RTTN: variants seen among roughly 807,000 people sequenced by gnomAD.
RTTN encodes the protein rotatin.
RTTN carries 182 observed loss-of-function variants against 269.2 expected under a neutral mutation model. That is an observed-to-expected ratio of 0.68 (90% CI 0.60 to 0.76). RTTN has a LOEUF of 0.76. RTTN is among the 30% of genes least tolerant of loss of function. The probability of loss-of-function intolerance (pLI) is 0.00; values close to 1 mark genes in which losing one functional copy is unlikely to be tolerated. For missense variants in RTTN, 2,545 were observed against 2,608.6 expected (o/e 0.98, Z 0.53); for synonymous variants, 1,006 against 963.5 (o/e 1.04, Z -0.82).
chr18:70,189,145 C>T (rs1052225709), intron 9 of RTTN, among the ~76,000 whole-genome samples: 1 of 152,150 alleles, frequency 6.6e-6, no homozygotes, highest in African/African-American at 2.4e-5. Flanking sequence ...TAAGACTGTT[C>T]TTCTCAGCTT....
chr18:70,123,912 A>G (rs895056389), intron 25 of RTTN, among the ~76,000 whole-genome samples: 1 of 152,070 alleles, frequency 6.6e-6, no homozygotes, highest in African/African-American at 2.4e-5. Flanking sequence ...GTAGGAAAAG[A>G]AAGGCAGTAG....
intron 46 of RTTN, among the ~76,000 whole-genome samples, chr18:70,015,491 G>A (rs994069545): frequency 3.9e-5 from 6 of 152,160 alleles, no homozygotes; most frequent in African/African-American, 1.4e-4. Flanking sequence ...GGCTGACTCT[G>A]CTAAGGCCTC....
At chr18:70,042,697 T>C (rs2057382258) in intron 40 of RTTN, among the ~76,000 whole-genome samples, 1 of 152,180 alleles carries the variant, frequency 6.6e-6, no homozygotes, top group Admixed American at 6.5e-5. Flanking sequence ...TTCTCTATAG[T>C]AACATTTGGA....
chr18:70,030,156 G>A, intron 41 of RTTN, 47 bp from the exon 42 acceptor site: 1 of 1,319,396 alleles, frequency 7.6e-7, no homozygotes, highest in Non-Finnish European at 1.1e-6. Context: ...CTATTTCCAA[G>A]TAAGTTATAA....
At chr18:70,046,659 T>G (rs1326168961) in intron 40 of RTTN, among the ~76,000 whole-genome samples, 1 of 152,146 alleles carries the variant, frequency 6.6e-6, no homozygotes, top group African/African-American at 2.4e-5. Context: ...TTGAGTGAAC[T>G]GACAGTGAGG....
intron 26 of RTTN, 90 bp downstream of exon 26, chr18:70,121,466 A>C (rs747162492): frequency 1.6e-5 from 18 of 1,143,664 alleles, no homozygotes; most frequent in Non-Finnish European, 2.2e-5. Flanking sequence ...AGACAATATA[A>C]AATTATCCTT....
intron 9 of RTTN, among the ~76,000 whole-genome samples, chr18:70,190,286 A>G (rs1270334667): frequency 6.6e-6 from 1 of 152,128 alleles, no homozygotes; most frequent in Non-Finnish European, 1.5e-5. Context: ...ATTCTAAAAA[A>G]AAAATAAGCA....
At chr18:70,029,951 G>T in intron 42 of RTTN, 61 bp downstream of exon 42, 1 of 1,187,736 alleles carries the variant, frequency 8.4e-7, no homozygotes, top group South Asian at 1.3e-5. Flanking sequence ...CTCATTTCTA[G>T]GCACAAGAGG....
chr18:70,193,842 C>G (rs775625445), intron 7 of RTTN, among the ~76,000 whole-genome samples: 11 of 152,068 alleles, frequency 7.2e-5, no homozygotes, highest in Non-Finnish European at 1.6e-4. Context: ...AAGCTCTTAG[C>G]GGAAAAAATA....
chr18:70,059,165 C>T (rs771953361), intron 36 of RTTN, among the ~76,000 whole-genome samples: 14 of 152,104 alleles, frequency 9.2e-5, no homozygotes, highest in Non-Finnish European at 2.1e-4. Flanking sequence ...CTCACACTAA[C>T]CCCATTAAAT....
intron 38 of RTTN, among the ~76,000 whole-genome samples, chr18:70,052,973 T>C (rs1456227905): frequency 6.6e-6 from 1 of 152,190 alleles, no homozygotes; most frequent in African/African-American, 2.4e-5. Flanking sequence ...AAAGCTCAAA[T>C]CATACAGAAA....
At chr18:70,156,955 T>C (rs970803283) in intron 14 of RTTN, among the ~76,000 whole-genome samples, 1 of 152,156 alleles carries the variant, frequency 6.6e-6, no homozygotes, top group African/African-American at 2.4e-5. Flanking sequence ...TCTGTCTCAC[T>C]AGCTTGCAAC....
At chr18:70,133,562 A>G (rs1456413673) in intron 23 of RTTN, among the ~76,000 whole-genome samples, 1 of 152,178 alleles carries the variant, frequency 6.6e-6, no homozygotes, top group Non-Finnish European at 1.5e-5. Context: ...AAATGAACCA[A>G]CTATTGATTG....
At chr18:70,120,156 A>G (rs1450437723) in intron 26 of RTTN, among the ~76,000 whole-genome samples, 1 of 152,020 alleles carries the variant, frequency 6.6e-6, no homozygotes, top group East Asian at 1.9e-4. Context: ...AGAAGAGAAA[A>G]ACCTGAGATA....
chr18:70,016,584 C>T (rs17805232), intron 46 of RTTN, among the ~76,000 whole-genome samples: 25,214 of 152,146 alleles, frequency 0.17, 2,302 homozygotes, highest in Middle Eastern at 0.39. Flanking sequence ...AATTCACATA[C>T]TCCTCACAGA....
intron 23 of RTTN, chr18:70,128,853 A>C (rs1268035450): frequency 1.3e-5 from 3 of 232,140 alleles, no homozygotes; most frequent in Non-Finnish European, 2.6e-5. Flanking sequence ...CAGTGAACCA[A>C]ACATAAAAGG....
intron 28 of RTTN, among the ~76,000 whole-genome samples, chr18:70,102,344 T>C (rs2059191896): frequency 6.6e-6 from 1 of 152,194 alleles, no homozygotes; most frequent in South Asian, 2.1e-4. Flanking sequence ...CCTTGTCTCT[T>C]TAGATCTTTG....
chr18:70,015,253 G>A (rs2056506104), intron 46 of RTTN, among the ~76,000 whole-genome samples: 1 of 151,968 alleles, frequency 6.6e-6, no homozygotes, highest in African/African-American at 2.4e-5. Context: ...AGTAGAGGCG[G>A]GGTTTCACCA....
At chr18:70,182,117 T>C (rs2061433872) in intron 10 of RTTN, among the ~76,000 whole-genome samples, 2 of 152,186 alleles carry the variant, frequency 1.3e-5, no homozygotes, top group Non-Finnish European at 2.9e-5. Flanking sequence ...TACAAAATAG[T>C]GTGATAACCT....
Sources: gnomAD v4.1 joint callset for allele counts (sites outside exome capture counted in the v4.1 genomes callset) on GRCh38, gnomAD v4.1.1 for gene constraint, MANE v1.5 for transcripts, NCBI Gene and HGNC (gene_info 2026-07-23, HGNC 2026-07-21) for gene names.